The following CCDC146 variants were observed in gnomAD, a reference collection of about 807,000 sequenced individuals.
The protein encoded by CCDC146 is coiled-coil domain-containing protein 146.
In CCDC146, 92 loss-of-function variants were observed where a neutral mutation model predicts 119.3. The ratio of observed to expected loss-of-function variants is 0.77; its 90% CI spans 0.65 to 0.92. The LOEUF is 0.92. Among genes scored for constraint, CCDC146 ranks in the 40% least tolerant of loss-of-function variants. The pLI is 0.00. For synonymous variants in CCDC146, 372 were observed against 371.8 expected (o/e 1.00, Z -0.01); for missense variants, 1,000 against 1,103.0 (o/e 0.91, Z 1.32).
intron 2 of CCDC146, among the ~76,000 whole-genome samples, chr7:77,219,898 G>A (rs1792369760): frequency 6.6e-6 from 1 of 152,144 alleles, no homozygotes; most frequent in Non-Finnish European, 1.5e-5. Flanking sequence ...GGGCAGAGAG[G>A]CAGATTGAGA....
chr7:77,134,961 C>T (rs139413886), intron 1 of CCDC146, among the ~76,000 whole-genome samples: 1,770 of 152,228 alleles, frequency 0.012, 26 homozygotes, highest in African/African-American at 0.04. Context: ...GCAAGCCCAC[C>T]ATATTTGTTA....
chr7:77,157,890 C>T (rs1361993475), intron 1 of CCDC146, among the ~76,000 whole-genome samples: 2 of 152,196 alleles, frequency 1.3e-5, no homozygotes, highest in African/African-American at 4.8e-5. Flanking sequence ...CCCCTAAGGT[C>T]AGGAACCTTG....
chr7:77,223,409 G>A (rs558236535), intron 2 of CCDC146, among the ~76,000 whole-genome samples: 17 of 152,276 alleles, frequency 1.1e-4, no homozygotes, highest in Non-Finnish European at 1.6e-4. Flanking sequence ...GGGAGGCCCC[G>A]TTTGCCCCCT....
intron 2 of CCDC146, among the ~76,000 whole-genome samples, chr7:77,229,943 AT>A (rs1180009659): frequency 6.6e-6 from 1 of 152,186 alleles, no homozygotes; most frequent in Non-Finnish European, 1.5e-5. Context: ...ATTAAAAGTC[AT>A]TCCCCTCACA....
chr7:77,248,887 A>G (rs1793004970), intron 4 of CCDC146, among the ~76,000 whole-genome samples: 1 of 152,190 alleles, frequency 6.6e-6, no homozygotes, highest in South Asian at 2.1e-4. Context: ...ACAAAACCAT[A>G]TGTTCCCATT....
chr7:77,153,167 A>G (rs892098118), intron 1 of CCDC146, among the ~76,000 whole-genome samples: 1 of 152,176 alleles, frequency 6.6e-6, no homozygotes, highest in African/African-American at 2.4e-5. Context: ...AGAAGGGAGG[A>G]ACCTGGCTAA....
intron 2 of CCDC146, among the ~76,000 whole-genome samples, chr7:77,189,388 A>G (rs566852814): frequency 3.3e-5 from 5 of 152,304 alleles, no homozygotes; most frequent in East Asian, 3.9e-4. Context: ...TCTCACTGCA[A>G]CTTTTCATCA....
chr7:77,222,703 ATCT>A (rs1476716874), intron 2 of CCDC146, among the ~76,000 whole-genome samples: 2 of 152,224 alleles, frequency 1.3e-5, no homozygotes, highest in Non-Finnish European at 2.9e-5. Context: ...AGCTATGTAC[ATCT>A]TCTTCATACA....
intron 1 of CCDC146, among the ~76,000 whole-genome samples, chr7:77,150,642 T>G (rs570857772): frequency 6.6e-6 from 1 of 152,234 alleles, no homozygotes; most frequent in South Asian, 2.1e-4. Flanking sequence ...TGGGAACCAA[T>G]TTGGCTGTTT....
chr7:77,254,181 C>T (rs1793133397), intron 4 of CCDC146, among the ~76,000 whole-genome samples: 1 of 152,152 alleles, frequency 6.6e-6, no homozygotes, highest in African/African-American at 2.4e-5. Flanking sequence ...AGGCACCCGC[C>T]CATTCCAAGT....
intron 9 of CCDC146, among the ~76,000 whole-genome samples, chr7:77,267,854 T>G (rs1320995409): frequency 6.6e-6 from 1 of 152,190 alleles, no homozygotes; most frequent in Non-Finnish European, 1.5e-5. Flanking sequence ...TTAAAACACA[T>G]TTGATGGCCT....
In CCDC146 at chr7:77,280,420, C is replaced by T. The variant is rs777613142; in HGVS notation, c.1695-9C>T. ...TATAATCTTACCCATTGTCTTATTA[C>T]TTTAAAAGAAAGCTACAAAATTCCA... On this transcript the variant is annotated splice_polypyrimidine_tract_variant and intron_variant, in intron 13 of 18. Coordinates refer to ENST00000285871, the MANE Select transcript of CCDC146 (RefSeq NM_020879.3). The T allele has an allele frequency of 6.3e-6, 10 of 1,597,990 alleles. No individual in the cohort carries two copies. Among genetic ancestry groups the T allele is most frequent in the Non-Finnish European group, 8.5e-6 (10 of 1,172,250 alleles).
intron 7 of CCDC146, 21 bp from the exon 8 acceptor site, chr7:77,259,961 TGTGTGTGTGTGTGTGTGTGTGTGTGTG>T (rs1793259514): frequency 2.4e-6 from 1 of 410,828 alleles, no homozygotes; most frequent in Admixed American, 5.5e-5. Context: ...TGTGTGTGTG[TGTGTGTGTGTGTGTGTGTGTGTGTGTG>T]TGTGTGTGTA....
chr7:77,128,634 C>T (rs1167836039), intron 1 of CCDC146, among the ~76,000 whole-genome samples: 6 of 151,338 alleles, frequency 4.0e-5, no homozygotes, highest in Admixed American at 6.6e-5. Flanking sequence ...AGGGAAATCC[C>T]GATTTTTTTC....
At position 77,274,495 on chromosome 7, in the gene CCDC146, A is replaced by G. The variant is rs756734089; in HGVS notation, c.1283A>G (p.Glu428Gly). ...RNLAQQKIIS[E>G]MESKLVEQQL... ...TTTTTTCAAAAGAAAATTATATCAG[A>G]AATGGAGTCTAAGTTAGTAGAACAA... Residue 428 changes from glutamate to glycine, a missense_variant, in exon 11 of 19, where the codon GAA (glutamate) becomes GGA (glycine). Transcript: ENST00000285871. 3 of 1,566,160 alleles carry G rather than the reference A, an allele frequency of 1.9e-6. No individual in the cohort carries two copies. The highest frequency in any genetic ancestry group is 2.6e-6 in the Non-Finnish European group (3 of 1,159,838).
Position 77,286,912 on chromosome 7 carries a change from CAA to C in CCDC146, c.2267_2268del (p.Lys756IlefsTer23). ...GKDLTEKEMIQKLDKLELQLA... is the reference protein window; with the variant it reads ...GKDLTEKEMIXKLDKLELQLA... ...AGATCTGACCGAAAAAGAAATGATCCAAAAATTAGACAAGGTAAACATTATTG... is the reference window on the plus strand; with the variant it reads ...AGATCTGACCGAAAAAGAAATGATCCAAATTAGACAAGGTAAACATTATTG... On this transcript the variant is annotated frameshift_variant, in exon 16 of 19. Coordinates refer to ENST00000285871, the MANE Select transcript of CCDC146 (RefSeq NM_020879.3). LOFTEE classifies it high-confidence loss of function. The C allele has an allele frequency of 6.2e-7, 1 of 1,613,926 alleles. No individual in the cohort carries two copies. The highest frequency in any genetic ancestry group is 1.3e-5 in the African/African-American group (1 of 75,026).
chr7:77,171,995 G>A (rs1407353846), intron 2 of CCDC146, among the ~76,000 whole-genome samples: 11 of 152,080 alleles, frequency 7.2e-5, no homozygotes, highest in Admixed American at 5.2e-4. Flanking sequence ...GGTATAACAG[G>A]CCTCTGATAA....
rs543276732 is a variant in CCDC146, at chr7:77,262,429, G to A, written c.1173+122G>A. The A allele has an allele frequency of 3.5e-4, 257 of 733,138 alleles. 1 individual carries two copies. Among genetic ancestry groups the A allele is most frequent in the Non-Finnish European group, 5.2e-4 (246 of 468,626 alleles). 45.4% of individuals were successfully genotyped at this position (733,138 alleles called of 1,614,324 possible). ...AGAAAATACAAGTAACAGAGAAAAG[G>A]TAATTTTCAAATGCGTCAAGCCTAT... On this transcript the variant is annotated intron_variant, in intron 9 of 18. Coordinates refer to ENST00000285871, the MANE Select transcript of CCDC146 (RefSeq NM_020879.3).
intron 2 of CCDC146, among the ~76,000 whole-genome samples, chr7:77,217,614 CAT>C (rs1159343410): frequency 4.0e-5 from 6 of 151,400 alleles, no homozygotes; most frequent in Admixed American, 2.6e-4. Flanking sequence ...TGGGTGTAGT[CAT>C]GTGTCACTTA....
Sources: gnomAD v4.1 joint callset for allele counts (sites outside exome capture counted in the v4.1 genomes callset) on GRCh38, gnomAD v4.1.1 for gene constraint, MANE v1.5 for transcripts, NCBI Gene and HGNC (gene_info 2026-07-23, HGNC 2026-07-21) for gene names.